The following MBOAT1 variants were observed in gnomAD, a reference collection of about 807,000 sequenced individuals.
The protein encoded by MBOAT1 is membrane-bound glycerophospholipid O-acyltransferase 1.
A neutral mutation model predicts 64.4 loss-of-function variants in MBOAT1; 67 were observed. That is an observed-to-expected ratio of 1.04 (90% CI 0.85 to 1.27). MBOAT1 has a LOEUF of 1.27. Ranked by LOEUF, MBOAT1 falls within the 50% of genes most tolerant of loss-of-function variation. The probability of loss-of-function intolerance (pLI) is 0.00; values close to 1 mark genes in which losing one functional copy is unlikely to be tolerated. For synonymous variants in MBOAT1, 229 were observed against 218.9 expected, an observed-to-expected ratio of 1.05 and a Z score of -0.41; for missense variants, 563 against 604.6, an observed-to-expected ratio of 0.93 and a Z score of 0.72.
chr6:20,209,889 T>C lies in MBOAT1; in HGVS notation c.99+2247A>G, dbSNP rs1476108091. On this transcript the variant is annotated intron_variant, in intron 1 of 12. Coordinates refer to ENST00000324607, the MANE Select transcript of MBOAT1 (RefSeq NM_001080480.3). ...TACAAGGTAGGAAGAAGGGCTGAGG[T>C]TCTCTCTCTGATTCTTCATGACCTC... Among the ~76,000 whole-genome samples the C allele has an allele frequency of 2.6e-5, 4 of 152,188 alleles. No individual in the cohort carries two copies. In the East Asian group the frequency reaches 7.7e-4, roughly 29 times the overall value.
At chr6:20,157,942 G>A (rs775705400) in intron 1 of MBOAT1, among the ~76,000 whole-genome samples, 1 of 151,936 alleles carries the variant, frequency 6.6e-6, no homozygotes. Flanking sequence ...GATCAGCTGA[G>A]GTCAGGAGTT....
intron 11 of MBOAT1, 148 bp downstream of exon 11, chr6:20,112,728 G>T: frequency 1.2e-6 from 1 of 806,856 alleles, no homozygotes; most frequent in Non-Finnish European, 1.9e-6. Flanking sequence ...TTTCTCTAAT[G>T]GGAAGACTCT....
At chr6:20,135,266 A>C (rs1760951592) in intron 4 of MBOAT1, among the ~76,000 whole-genome samples, 1 of 152,184 alleles carries the variant, frequency 6.6e-6, no homozygotes, top group East Asian at 1.9e-4. Flanking sequence ...TGAAACTAAG[A>C]TCATTAGTCA....
intron 1 of MBOAT1, among the ~76,000 whole-genome samples, chr6:20,184,722 C>G (rs1415896747): frequency 6.6e-6 from 1 of 152,094 alleles, no homozygotes; most frequent in East Asian, 1.9e-4. Context: ...CATTCTCCCT[C>G]TACTCCCTAC....
At chr6:20,138,811 C>T (rs1268420432) in intron 4 of MBOAT1, among the ~76,000 whole-genome samples, 1 of 152,152 alleles carries the variant, frequency 6.6e-6, no homozygotes, top group Non-Finnish European at 1.5e-5. Context: ...CTTACAACAA[C>T]AAAAATGTCT....
chr6:20,133,073 T>C (rs1254095000), intron 4 of MBOAT1, among the ~76,000 whole-genome samples: 1 of 152,234 alleles, frequency 6.6e-6, no homozygotes, highest in African/African-American at 2.4e-5. Context: ...CTTTGAAATC[T>C]TACCACTATT....
intron 4 of MBOAT1, among the ~76,000 whole-genome samples, chr6:20,133,366 T>C (rs962750288): frequency 1.3e-5 from 2 of 152,194 alleles, no homozygotes; most frequent in Non-Finnish European, 1.5e-5. Flanking sequence ...TAATAAGGGC[T>C]ACATTAAAGC....
chr6:20,113,902 T>C (rs1435749929), intron 10 of MBOAT1, among the ~76,000 whole-genome samples: 1 of 151,844 alleles, frequency 6.6e-6, no homozygotes, highest in African/African-American at 2.4e-5. Flanking sequence ...ACTGTATGGG[T>C]GGTCAACAGT....
chr6:20,142,883 A>C (rs2113679149), intron 4 of MBOAT1, among the ~76,000 whole-genome samples: 1 of 152,326 alleles, frequency 6.6e-6, no homozygotes, highest in Admixed American at 6.5e-5. Flanking sequence ...GGTAAGAAGA[A>C]CTTATGCATG....
At chr6:20,154,317 A>C (rs1406292645) in intron 1 of MBOAT1, among the ~76,000 whole-genome samples, 1 of 152,174 alleles carries the variant, frequency 6.6e-6, no homozygotes, top group Non-Finnish European at 1.5e-5. Context: ...AGGTCACCTG[A>C]GGTCAGGAGT....
intron 1 of MBOAT1, among the ~76,000 whole-genome samples, chr6:20,172,545 T>C (rs1202205): frequency 0.34 from 51,716 of 152,064 alleles, 9,574 homozygotes; most frequent in East Asian, 0.46. Context: ...TCCTCAACTC[T>C]TGCTCTTAAA....
Position 20,102,305 on chromosome 6 carries a change from TTA to T in MBOAT1, c.1467_1468del (p.Asn490Ter). 1 of 1,613,902 alleles carries T rather than the reference TTA, an allele frequency of 6.2e-7. No homozygotes were observed. Among genetic ancestry groups the T allele is most frequent in the Middle Eastern group, 1.7e-4 (1 of 6,058 alleles). On this transcript the variant is annotated frameshift_variant, in exon 13 of 13. Coordinates refer to ENST00000324607, the MANE Select transcript of MBOAT1 (RefSeq NM_001080480.3). LOFTEE classifies it high-confidence loss of function. ...GAGGTATCAATCTGTTTTTCTCTTA[TTA>T]ATAGAGTTCAGAGTCTGAGGCCGCC...
chr6:20,176,953 T>C (rs1016479514), intron 1 of MBOAT1, among the ~76,000 whole-genome samples: 2 of 152,146 alleles, frequency 1.3e-5, no homozygotes, highest in African/African-American at 4.8e-5. Context: ...ATCTCAAAGA[T>C]TATAAAGAGG....
chr6:20,119,864 G>A (rs1760441498), intron 8 of MBOAT1, among the ~76,000 whole-genome samples: 3 of 152,170 alleles, frequency 2.0e-5, no homozygotes, highest in African/African-American at 7.2e-5. Flanking sequence ...ACTAAAACCA[G>A]AGCCAGGCTG....
At chr6:20,119,658 T>C (rs1335440032) in intron 8 of MBOAT1, among the ~76,000 whole-genome samples, 2 of 152,304 alleles carry the variant, frequency 1.3e-5, no homozygotes, top group East Asian at 3.9e-4. Context: ...TGGTTTCTTT[T>C]AGAAGAAAGC....
chr6:20,102,502 G>A (rs555903793), intron 12 of MBOAT1, 90 bp from the exon 13 acceptor site: 2 of 1,119,286 alleles, frequency 1.8e-6, no homozygotes, highest in East Asian at 2.7e-5. Context: ...TATGACAAGT[G>A]AGAGCACCGC....
chr6:20,179,662 T>C (rs1762456009), intron 1 of MBOAT1, among the ~76,000 whole-genome samples: 2 of 152,260 alleles, frequency 1.3e-5, no homozygotes, highest in African/African-American at 4.8e-5. Context: ...TTACATTCCT[T>C]TGGGGATAGA....
chr6:20,209,390 G>C (rs1409123592), intron 1 of MBOAT1, among the ~76,000 whole-genome samples: 6 of 152,094 alleles, frequency 3.9e-5, no homozygotes, highest in African/African-American at 2.4e-5. Flanking sequence ...ACCACACACA[G>C]GCTTTCCTAT....
intron 8 of MBOAT1, among the ~76,000 whole-genome samples, chr6:20,124,190 A>G (rs189665313): frequency 3.3e-5 from 5 of 152,342 alleles, no homozygotes; most frequent in Admixed American, 6.5e-5. Context: ...GGTTTAAACA[A>G]CAGCCAGGGT....
Sources: gnomAD v4.1 joint callset for allele counts (sites outside exome capture counted in the v4.1 genomes callset) on GRCh38, gnomAD v4.1.1 for gene constraint, MANE v1.5 for transcripts, NCBI Gene and HGNC (gene_info 2026-07-23, HGNC 2026-07-21) for gene names.